The following SLC28A3 variants were observed in gnomAD, a reference collection of about 807,000 sequenced individuals.
SLC28A3 encodes solute carrier family 28 member 3.
A neutral mutation model predicts 84.2 loss-of-function variants in SLC28A3; 68 were observed. That is an observed-to-expected ratio of 0.81 (90% CI 0.66 to 0.99). The LOEUF is 0.99. Ranked by LOEUF, SLC28A3 falls within the 50% of genes least tolerant of loss-of-function variation. The pLI is 0.00. For missense variants in SLC28A3, 712 were observed against 841.5 expected, an observed-to-expected ratio of 0.85 and a Z score of 1.90; for synonymous variants, 267 against 303.6, an observed-to-expected ratio of 0.88 and a Z score of 1.25.
Position 84,309,625 on chromosome 9 carries a change from G to A in SLC28A3, c.242+4C>T. 6.3e-7 allele frequency: 1 copy of A among 1,593,486 alleles called. No homozygotes were observed. The highest frequency in any genetic ancestry group is 8.6e-7 in the Non-Finnish European group (1 of 1,167,398). ...TGGTTATTTCCCTGTTTTAAAGACT[G>A]TACCCTTTTTGTTGCATCTCCTCAT... On this transcript the variant is annotated splice_donor_region_variant and intron_variant, in intron 3 of 17. Transcript: ENST00000376238.
chr9:84,282,732 C>A (rs1473905204), intron 14 of SLC28A3, among the ~76,000 whole-genome samples: 1 of 152,218 alleles, frequency 6.6e-6, no homozygotes. Context: ...CCCAGTCTGA[C>A]AAAGGTACCC....
At position 84,333,107 on chromosome 9, in the gene SLC28A3, A is replaced by T. The variant is rs1027068184; in HGVS notation, c.60+7467T>A. Among the ~76,000 whole-genome samples the T allele has an allele frequency of 7.2e-5, 11 of 152,198 alleles. 1 individual carries two copies. Among genetic ancestry groups the T allele is most frequent in the Non-Finnish European group, 4.4e-5 (3 of 68,030 alleles). ...TTAAAGGAGAAAGGGCGGGATAGTG[A>T]GAAGCACACAGTTTTCATGTAAACA... On this transcript the variant is annotated intron_variant, in intron 1 of 17. Transcript: ENST00000376238.
chr9:84,300,848 C>A (rs960540752), intron 5 of SLC28A3, among the ~76,000 whole-genome samples: 35 of 152,190 alleles, frequency 2.3e-4, no homozygotes, highest in African/African-American at 8.4e-4. Flanking sequence ...GGCTTTGAGG[C>A]TGGCAGGGGA....
chr9:84,326,032 C>T (rs544193190), intron 1 of SLC28A3, among the ~76,000 whole-genome samples: 26 of 152,228 alleles, frequency 1.7e-4, no homozygotes, highest in African/African-American at 5.8e-4. Flanking sequence ...GATCCAGAAT[C>T]GTGGCTTTGA....
intron 5 of SLC28A3, among the ~76,000 whole-genome samples, chr9:84,301,349 CAAAA>C (rs59917986): frequency 6.7e-5 from 3 of 44,722 alleles, no homozygotes; most frequent in East Asian, 6.2e-4. Context: ...GACTCTGTCT[CAAAA>C]AAAAAAAAAA....
intron 15 of SLC28A3, 117 bp from the exon 16 acceptor site, chr9:84,280,190 T>TTTAAC: frequency 1.3e-6 from 1 of 757,142 alleles, no homozygotes; most frequent in South Asian, 1.9e-5. Flanking sequence ...TTTTTTTTTC[T>TTTAAC]TTAACTTAGC....
chr9:84,357,155 A>G, the SLC28A3 span, among the ~76,000 whole-genome samples: 1,032 of 152,276 alleles, frequency 6.8e-3, 11 homozygotes, highest in African/African-American at 0.024. Flanking sequence ...GTCCTAGTGC[A>G]TGGGTAGGGG....
chr9:84,337,432 C>CTG (rs111293078), intron 1 of SLC28A3, among the ~76,000 whole-genome samples: 1 of 151,192 alleles, frequency 6.6e-6, no homozygotes, highest in South Asian at 2.1e-4. Context: ...GGATGCTAGC[C>CTG]TGTGTGTGTG....
chr9:84,285,101 T>C (rs4877833), intron 14 of SLC28A3, among the ~76,000 whole-genome samples: 28,698 of 152,086 alleles, frequency 0.19, 3,214 homozygotes, highest in African/African-American at 0.31. Context: ...TCCTCAAAAG[T>C]AGATGATTAT....
At chr9:84,362,997 T>C in the SLC28A3 span, among the ~76,000 whole-genome samples, 3 of 152,200 alleles carry the variant, frequency 2.0e-5, no homozygotes, top group African/African-American at 4.8e-5. Flanking sequence ...TGTAATGTAA[T>C]ATGAACATGT....
intron 17 of SLC28A3, 29 bp from the exon 18 acceptor site, chr9:84,278,373 A>G (rs367928887): frequency 8.4e-5 from 135 of 1,613,346 alleles, no homozygotes; most frequent in Non-Finnish European, 1.1e-4. Context: ...AAACAGTTAC[A>G]TGAGCCATAG....
chr9:84,293,951 A>G (rs911301053), intron 9 of SLC28A3, among the ~76,000 whole-genome samples: 1 of 152,218 alleles, frequency 6.6e-6, no homozygotes, highest in African/African-American at 2.4e-5. Flanking sequence ...AGTAACTGCT[A>G]TAGTTTCATG....
chr9:84,365,440 T>A, the SLC28A3 span, among the ~76,000 whole-genome samples: 2 of 152,204 alleles, frequency 1.3e-5, no homozygotes, highest in African/African-American at 4.8e-5. Context: ...GTCAAATGAG[T>A]AGTTTGCAAA....
At chr9:84,281,555 CTGTT>C (rs1211039729) in intron 14 of SLC28A3, among the ~76,000 whole-genome samples, 1 of 152,210 alleles carries the variant, frequency 6.6e-6, no homozygotes, top group African/African-American at 2.4e-5. Flanking sequence ...ATGACACAGT[CTGTT>C]TGTGAAACAG....
chr9:84,299,844 G>C, intron 5 of SLC28A3, 119 bp from the exon 6 acceptor site: 1 of 1,170,574 alleles, frequency 8.5e-7, no homozygotes, highest in Non-Finnish European at 1.2e-6. Flanking sequence ...CCAGGCTGGA[G>C]TAGAATGGAG....
upstream of SLC28A3, among the ~76,000 whole-genome samples, chr9:84,343,999 G>T (rs1290984342): frequency 6.6e-6 from 1 of 152,106 alleles, no homozygotes; most frequent in Non-Finnish European, 1.5e-5. Flanking sequence ...GCTGAGGTGG[G>T]AAGACTTACT....
the SLC28A3 span, among the ~76,000 whole-genome samples, chr9:84,352,310 A>G: frequency 6.6e-6 from 1 of 151,850 alleles, no homozygotes; most frequent in South Asian, 2.1e-4. Flanking sequence ...CAGCCTCCCA[A>G]GTAGTTGGGA....
At chr9:84,363,355 A>C in the SLC28A3 span, among the ~76,000 whole-genome samples, 1 of 152,198 alleles carries the variant, frequency 6.6e-6, no homozygotes, top group Non-Finnish European at 1.5e-5. Context: ...TATGGGAAGG[A>C]ATCAAGGATC....
chr9:84,315,740 G>C lies in SLC28A3; in HGVS notation c.61-2286C>G, dbSNP rs11140512. ...TATTGTGGATATTGACTGGTACCTG[G>C]AAAATGACCATTAAGACAACTGTCT... On this transcript the variant is annotated intron_variant, in intron 1 of 17. Transcript: ENST00000376238. Among the ~76,000 whole-genome samples, 5,107 of 152,272 alleles carry C rather than the reference G, an allele frequency of 0.034. 475 individuals carry two copies. In the East Asian group the frequency reaches 0.34, roughly 10 times the overall value.
Sources: gnomAD v4.1 joint callset for allele counts (sites outside exome capture counted in the v4.1 genomes callset) on GRCh38, gnomAD v4.1.1 for gene constraint, MANE v1.5 for transcripts, NCBI Gene and HGNC (gene_info 2026-07-23, HGNC 2026-07-21) for gene names.